PRICKLE2: variants seen among roughly 807,000 people sequenced by gnomAD.
PRICKLE2 encodes prickle planar cell polarity protein 2.
Under a neutral mutation model 81.4 loss-of-function variants are expected in PRICKLE2, and 21 were observed. The ratio of observed to expected loss-of-function variants is 0.26; its 90% confidence interval spans 0.18 to 0.37. The LOEUF is 0.37. Ranked by LOEUF, PRICKLE2 falls within the 10% of genes least tolerant of loss-of-function variation. The pLI, the probability that PRICKLE2 is intolerant of heterozygous loss-of-function variation, is 1.00. For synonymous variants in PRICKLE2, 456 were observed against 421.5 expected (o/e 1.08, Z -1.00); for missense variants, 940 against 1,109.0 (o/e 0.85, Z 2.16).
chr3:64,185,287 A>T (rs1485588817), intron 2 of PRICKLE2, among the ~76,000 whole-genome samples: 1 of 151,780 alleles, frequency 6.6e-6, no homozygotes, highest in Non-Finnish European at 1.5e-5. Flanking sequence ...ATGTTTACAG[A>T]CCCCCCCTAG....
intron 7 of PRICKLE2, among the ~76,000 whole-genome samples, chr3:64,133,782 G>A (rs2077234531): frequency 6.6e-6 from 1 of 152,270 alleles, no homozygotes; most frequent in South Asian, 2.1e-4. Context: ...TCATCTTTCT[G>A]GCTGCAAGCA....
At chr3:64,234,928 G>C (rs539198366) in intron 2 of PRICKLE2, among the ~76,000 whole-genome samples, 1 of 152,084 alleles carries the variant, frequency 6.6e-6, no homozygotes, top group South Asian at 2.1e-4. Context: ...ATAAGACTTC[G>C]GAAGTCTTCT....
intron 7 of PRICKLE2, chr3:64,100,297 G>A (rs1023100429): frequency 3.8e-6 from 1 of 263,804 alleles, no homozygotes. Flanking sequence ...TGCACTATAA[G>A]CTCTGTAGGA....
intron 7 of PRICKLE2, among the ~76,000 whole-genome samples, chr3:64,126,041 C>T (rs867522059): frequency 5.3e-5 from 8 of 151,694 alleles, no homozygotes; most frequent in African/African-American, 1.2e-4. Context: ...GGAGAGTAAT[C>T]GTGGACAATT....
At chr3:64,219,588 C>A (rs1490884169) in intron 1 of PRICKLE2, among the ~76,000 whole-genome samples, 6 of 152,178 alleles carry the variant, frequency 3.9e-5, no homozygotes, top group Non-Finnish European at 1.5e-5. Context: ...GGTGAAGACA[C>A]CCCTATGTTC....
At chr3:64,192,453 A>G (rs2078360582) in intron 2 of PRICKLE2, among the ~76,000 whole-genome samples, 1 of 152,250 alleles carries the variant, frequency 6.6e-6, no homozygotes, top group Admixed American at 6.5e-5. Flanking sequence ...CAAAGCATGT[A>G]ACTGAGGACC....
intron 5 of PRICKLE2, chr3:64,154,433 C>T (rs1264028101): frequency 6.6e-6 from 1 of 151,244 alleles, no homozygotes; most frequent in East Asian, 1.9e-4. Flanking sequence ...GCAGTCCCAG[C>T]TACTTGGGAG....
intron 2 of PRICKLE2, among the ~76,000 whole-genome samples, chr3:64,265,633 T>G (rs2079691958): frequency 6.6e-6 from 1 of 152,178 alleles, no homozygotes; most frequent in Non-Finnish European, 1.5e-5. Context: ...TACCGTCTTT[T>G]CATTGCCCAT....
chr3:64,139,100 T>C (rs1198753332), intron 7 of PRICKLE2, among the ~76,000 whole-genome samples: 1 of 152,248 alleles, frequency 6.6e-6, no homozygotes, highest in Non-Finnish European at 1.5e-5. Context: ...TTTCCCAGTT[T>C]GTCAGCAATG....
intron 2 of PRICKLE2, among the ~76,000 whole-genome samples, chr3:64,235,535 C>A (rs1203915149): frequency 6.6e-6 from 1 of 152,180 alleles, no homozygotes; most frequent in East Asian, 1.9e-4. Context: ...CCCTGCCCCC[C>A]TTCTGGAGCT....
intron 2 of PRICKLE2, among the ~76,000 whole-genome samples, chr3:64,249,581 A>G (rs1313131956): frequency 2.6e-5 from 4 of 152,192 alleles, no homozygotes; most frequent in Non-Finnish European, 4.4e-5. Flanking sequence ...TTGTTGCCAC[A>G]TTGCTCAACC....
chr3:64,242,792 T>C (rs1219345044), intron 2 of PRICKLE2, among the ~76,000 whole-genome samples: 1 of 152,254 alleles, frequency 6.6e-6, no homozygotes, highest in Non-Finnish European at 1.5e-5. Context: ...CTGTGCACCC[T>C]GCCAGCATTA....
chr3:64,236,299 A>G (rs1243827798), intron 2 of PRICKLE2, among the ~76,000 whole-genome samples: 1 of 152,160 alleles, frequency 6.6e-6, no homozygotes, highest in East Asian at 1.9e-4. Context: ...GGCACATAGT[A>G]GGTCCTCAAT....
At chr3:64,107,902 T>G (rs893210902) in intron 7 of PRICKLE2, among the ~76,000 whole-genome samples, 1 of 152,224 alleles carries the variant, frequency 6.6e-6, no homozygotes, top group Non-Finnish European at 1.5e-5. Flanking sequence ...ATTTACAACT[T>G]ATACTGATGA....
intron 2 of PRICKLE2, among the ~76,000 whole-genome samples, chr3:64,166,194 G>A (rs572802027): frequency 6.6e-6 from 1 of 152,192 alleles, no homozygotes; most frequent in South Asian, 2.1e-4. Flanking sequence ...CAAAGGTTAA[G>A]GTTTCCCACA....
chr3:64,234,019 G>C (rs995260991), intron 2 of PRICKLE2, among the ~76,000 whole-genome samples: 1 of 152,108 alleles, frequency 6.6e-6, no homozygotes, highest in African/African-American at 2.4e-5. Flanking sequence ...TTTTATGACA[G>C]AGTAATATTC....
At position 64,095,995 on chromosome 3, in the gene PRICKLE2, G is replaced by A. The variant is rs551403380; in HGVS notation, c.*3056C>T. ...AAGAAGCCTTTTCACAGTACCAAGGGTGGTATGGATTGGCAGAGCCACTCA... is the reference window on the plus strand; with the variant it reads ...AAGAAGCCTTTTCACAGTACCAAGGATGGTATGGATTGGCAGAGCCACTCA... On this transcript the variant is annotated 3_prime_UTR_variant, in exon 8 of 8. Coordinates refer to ENST00000638394, the MANE Select transcript of PRICKLE2 (RefSeq NM_198859.4). 2.0e-4 allele frequency: 31 copies of A among 152,316 alleles called. No homozygotes were observed. The highest frequency in any genetic ancestry group is 7.2e-4 in the African/African-American group (30 of 41,550). The allele number at this position is 152,316 out of a possible 1,614,324, so 9.4% of individuals were successfully genotyped here.
intron 2 of PRICKLE2, chr3:64,190,355 T>C (rs1559566442): frequency 6.6e-6 from 1 of 151,870 alleles, no homozygotes; most frequent in Non-Finnish European, 1.5e-5. Context: ...CATGTAAGAG[T>C]TTTCTAAATA....
chr3:64,177,125 CT>C (rs10690677), intron 2 of PRICKLE2, among the ~76,000 whole-genome samples: 10 of 70,848 alleles, frequency 1.4e-4, no homozygotes, highest in Middle Eastern at 0.019. Context: ...CCATTTTAAC[CT>C]TTTTTTTTTT....
Sources: allele counts gnomAD v4.1 joint callset (sites outside exome capture counted in the v4.1 genomes callset), GRCh38; gene constraint gnomAD v4.1.1; transcripts MANE v1.5; gene names NCBI Gene and HGNC (gene_info 2026-07-23, HGNC 2026-07-21).